The following SEMA6D variants were observed in gnomAD, a reference collection of about 807,000 sequenced individuals.
SEMA6D encodes the protein semaphorin 6D, also known as semaphorin-6D.
A neutral mutation model predicts 106.6 loss-of-function variants in SEMA6D; 35 were observed. The ratio of observed to expected loss-of-function variants is 0.33; its 90% CI spans 0.25 to 0.44. The LOEUF is 0.44. Among genes scored for constraint, SEMA6D ranks in the 20% least tolerant of loss-of-function variants. The pLI is 1.00. For missense variants in SEMA6D, 1,185 were observed against 1,345.9 expected, an observed-to-expected ratio of 0.88 and a Z score of 1.87; for synonymous variants, 499 against 487.7, an observed-to-expected ratio of 1.02 and a Z score of -0.31.
intron 1 of SEMA6D, among the ~76,000 whole-genome samples, chr15:47,406,730 G>T (rs1163780014): frequency 1.4e-5 from 2 of 146,496 alleles, no homozygotes; most frequent in African/African-American, 2.5e-5. Flanking sequence ...ATCATGTGTT[G>T]TATACCCGAA....
chr15:47,278,573 A>G (rs906600921), intron 1 of SEMA6D, among the ~76,000 whole-genome samples: 2 of 152,140 alleles, frequency 1.3e-5, no homozygotes, highest in Non-Finnish European at 2.9e-5. Context: ...TGCCTGTTCA[A>G]TCTGATGGTA....
rs746420427 is a variant in SEMA6D at position 47,772,346 on chromosome 15, T to TTGTGTGTG, written c.*564_*571dup. The TTGTGTGTG allele has an allele frequency of 1.2e-4, 10 of 83,712 alleles. No homozygotes were observed. Among genetic ancestry groups the TTGTGTGTG allele is most frequent in the Admixed American group, 6.4e-4 (6 of 9,392 alleles). 5.2% of individuals were successfully genotyped at this position (83,712 alleles called of 1,614,324 possible). A position where few individuals can be genotyped will look rare whatever the true frequency, so the allele number is the denominator to read the frequency against. Reference sequence around the variant, plus strand: ...CTTTTTCATGCCACCAACAAACTTGTTGTGTGTGTGCGTGTGTGTGTGTGT... The same window carrying TTGTGTGTG: ...CTTTTTCATGCCACCAACAAACTTGTTGTGTGTGTGTGTGTGTGCGTGTGTGTGTGTGT... On this transcript the variant is annotated 3_prime_UTR_variant, in exon 19 of 19. Coordinates refer to ENST00000536845, the MANE Select transcript of SEMA6D (RefSeq NM_001358351.3).
chr15:47,215,858 T>C (rs967296128), intron 1 of SEMA6D, among the ~76,000 whole-genome samples: 2 of 152,174 alleles, frequency 1.3e-5, no homozygotes, highest in Admixed American at 6.6e-5. Flanking sequence ...CTGAGAAGCA[T>C]GTGAAGTACT....
At chr15:47,600,796 A>T (rs1245957652) in intron 3 of SEMA6D, 1 of 152,196 alleles carries the variant, frequency 6.6e-6, no homozygotes, top group Admixed American at 6.5e-5. Context: ...TGTTTAACTC[A>T]GTATTGTGGT....
At chr15:47,237,837 C>A (rs575059401) in intron 1 of SEMA6D, among the ~76,000 whole-genome samples, 2 of 152,188 alleles carry the variant, frequency 1.3e-5, no homozygotes, top group African/African-American at 4.8e-5. Flanking sequence ...ACTGCTCTTA[C>A]AAATCTCTTT....
At chr15:47,238,688 A>AT (rs2032715917) in intron 1 of SEMA6D, among the ~76,000 whole-genome samples, 2 of 152,108 alleles carry the variant, frequency 1.3e-5, no homozygotes, top group Middle Eastern at 3.4e-3. Flanking sequence ...TCACAAAGGC[A>AT]TTTTTGCAGA....
chr15:47,765,889 A>C lies in SEMA6D; in HGVS notation c.1448A>C (p.Glu483Ala). 6.6e-7 allele frequency: 1 copy of C among 1,523,224 alleles called. No individual in the cohort carries two copies. The highest frequency in any genetic ancestry group is 8.8e-7 in the Non-Finnish European group (1 of 1,136,628). The allele number at this position is 1,523,224 out of a possible 1,614,324, so 94.4% of individuals were successfully genotyped here. ...NHAKCSAENE[E>A]DKKVISLQLD... ...AATAGGTGCAGTGCTGAGAATGAGG[A>C]AGACAAAAAGGTCATCTCATTACAG... The change falls in exon 14 of 19, where the codon GAA becomes GCA. Residue 483 changes from glutamate (E) to alanine (A), a missense_variant. Glu to Ala is a moderately radical substitution (Grantham distance 107, BLOSUM62 -1). Coordinates refer to ENST00000536845, the MANE Select transcript of SEMA6D (RefSeq NM_001358351.3).
chr15:47,483,874 T>G (rs894809609), intron 3 of SEMA6D, among the ~76,000 whole-genome samples: 4 of 152,130 alleles, frequency 2.6e-5, no homozygotes, highest in Non-Finnish European at 1.5e-5. Flanking sequence ...ATTGTTTCTG[T>G]TTCTTGGAGC....
rs1284307526 is a variant in SEMA6D at position 47,759,795 on chromosome 15, C to T, written c.-4C>T. Reference sequence around the variant, plus strand: ...GGGCCACCCTGACTTCACCTTGGCCCACCATGAGGGTCTTCCTGCTTTGTG... The same window carrying T: ...GGGCCACCCTGACTTCACCTTGGCCTACCATGAGGGTCTTCCTGCTTTGTG... On this transcript the variant is annotated 5_prime_UTR_variant, in exon 2 of 19. Coordinates refer to ENST00000536845, the MANE Select transcript of SEMA6D (RefSeq NM_001358351.3). 1 of 1,612,688 alleles carries T rather than the reference C, an allele frequency of 6.2e-7. No individual in the cohort carries two copies. The highest frequency in any genetic ancestry group is 1.7e-4 in the Middle Eastern group (1 of 6,046).
At chr15:47,372,651 A>G (rs1388369170) in intron 1 of SEMA6D, among the ~76,000 whole-genome samples, 4 of 152,146 alleles carry the variant, frequency 2.6e-5, no homozygotes, top group African/African-American at 9.7e-5. Context: ...GTGGAAAATC[A>G]CCATGTATTT....
chr15:47,592,944 T>C (rs927686655), intron 3 of SEMA6D, among the ~76,000 whole-genome samples: 5 of 152,124 alleles, frequency 3.3e-5, no homozygotes, highest in African/African-American at 1.2e-4. Context: ...TATTCACTAA[T>C]GTAATAAACA....
At chr15:47,624,346 G>A (rs2077163727) in intron 4 of SEMA6D, among the ~76,000 whole-genome samples, 1 of 152,096 alleles carries the variant, frequency 6.6e-6, no homozygotes, top group African/African-American at 2.4e-5. Flanking sequence ...ATTAGCCTAG[G>A]GGAATAAGAT....
chr15:47,578,030 C>T (rs1458463582), intron 3 of SEMA6D, among the ~76,000 whole-genome samples: 4 of 152,154 alleles, frequency 2.6e-5, no homozygotes, highest in Non-Finnish European at 5.9e-5. Flanking sequence ...ACTTTGGATG[C>T]ATGACATTAT....
At chr15:47,737,979 G>A (rs1463285812) in intron 1 of SEMA6D, among the ~76,000 whole-genome samples, 1 of 151,282 alleles carries the variant, frequency 6.6e-6, no homozygotes, top group Non-Finnish European at 1.5e-5. Context: ...GTGTAAAGTT[G>A]TGTCTCCTTC....
chr15:47,235,933 A>G lies in SEMA6D; in HGVS notation c.-239+51515A>G, dbSNP rs377712866. On this transcript the variant is annotated intron_variant, in intron 1 of 19. Coordinates refer to the SEMA6D transcript ENST00000558014. ...CATAAGAATTCTTTGTTACTTTGTT[A>G]CATTCTGCTCCCTCAGATATTGGTA... Among the ~76,000 whole-genome samples the G allele has an allele frequency of 1.2e-4, 18 of 152,160 alleles. No individual in the cohort carries two copies. The South Asian group carries it at 1.5e-3, about 12-fold the overall frequency.
At chr15:47,532,442 C>A (rs1319528191) in intron 3 of SEMA6D, among the ~76,000 whole-genome samples, 1 of 152,102 alleles carries the variant, frequency 6.6e-6, no homozygotes, top group Non-Finnish European at 1.5e-5. Flanking sequence ...TTGACATATC[C>A]CTCTCACTGC....
At chr15:47,237,766 C>A (rs2141694148) in intron 1 of SEMA6D, among the ~76,000 whole-genome samples, 1 of 152,116 alleles carries the variant, frequency 6.6e-6, no homozygotes, top group East Asian at 1.9e-4. Flanking sequence ...TATATTTGAG[C>A]CTCTGAGCAC....
intron 4 of SEMA6D, among the ~76,000 whole-genome samples, chr15:47,702,151 G>A (rs578063030): frequency 6.6e-6 from 1 of 152,258 alleles, no homozygotes; most frequent in African/African-American, 2.4e-5. Context: ...GCTGATGGAT[G>A]CCTGTGACAC....
chr15:47,423,996 T>G (rs1022067504), intron 2 of SEMA6D, among the ~76,000 whole-genome samples: 1 of 152,148 alleles, frequency 6.6e-6, no homozygotes, highest in Non-Finnish European at 1.5e-5. Flanking sequence ...TTATATCTAA[T>G]ATAACAAAAG....
Sources: gnomAD v4.1 joint callset for allele counts (sites outside exome capture counted in the v4.1 genomes callset) on GRCh38, gnomAD v4.1.1 for gene constraint, MANE v1.5 for transcripts, NCBI Gene and HGNC (gene_info 2026-07-23, HGNC 2026-07-21) for gene names.